The following PDPK1 variants were observed in gnomAD, a reference collection of about 807,000 sequenced individuals.
The protein encoded by PDPK1 is 3-phosphoinositide-dependent protein kinase 1.
A neutral mutation model predicts 39.8 loss-of-function variants in PDPK1; 7 were observed. That is an observed-to-expected ratio of 0.18 (90% confidence interval 0.10 to 0.33). The LOEUF is 0.33. PDPK1 is among the 10% of genes least tolerant of loss of function. The pLI, the probability that PDPK1 is intolerant of heterozygous loss-of-function variation, is 1.00. For synonymous variants in PDPK1, 118 were observed against 159.1 expected, an observed-to-expected ratio of 0.74 and a Z score of 1.95; for missense variants, 182 against 384.7, an observed-to-expected ratio of 0.47 and a Z score of 4.41.
chr16:2,590,591 A>G (rs1321589937), intron 11 of PDPK1, among the ~76,000 whole-genome samples: 2 of 152,084 alleles, frequency 1.3e-5, no homozygotes, highest in African/African-American at 4.8e-5. Context: ...GCTGACGGGC[A>G]AACCGCCGTT....
At position 2,597,960 on chromosome 16, in the gene PDPK1, C is replaced by A; in HGVS notation, c.*193C>A. 1.7e-6 allele frequency: 1 copy of A among 584,216 alleles called. No individual in the cohort carries two copies. Among genetic ancestry groups the A allele is most frequent in the East Asian group, 2.8e-5 (1 of 35,380 alleles). 36.2% of individuals were successfully genotyped at this position (584,216 alleles called of 1,614,324 possible). A position where few individuals can be genotyped will look rare whatever the true frequency, so the allele number is the denominator to read the frequency against. On this transcript the variant is annotated 3_prime_UTR_variant, in exon 14 of 14. Coordinates refer to ENST00000342085, the MANE Select transcript of PDPK1 (RefSeq NM_002613.5). This position sits in a 1 kb window ranked among gnomAD's most constrained non-coding sequence, Gnocchi z 6.3. ...ACCACACAAAGAACAAAACCAGTAA[C>A]AAACACAAAGGAATTCAGGGTCGCT... is the stretch of plus-strand genomic sequence containing the variant.
At position 2,602,484 on chromosome 16, in the gene PDPK1, G is replaced by A. The variant is rs1379703754; in HGVS notation, c.*4717G>A. 1 of 234,894 alleles carries A rather than the reference G, an allele frequency of 4.3e-6. No individual in the cohort carries two copies. The highest frequency in any genetic ancestry group is 2.2e-5 in the African/African-American group (1 of 45,320). 14.6% of individuals were successfully genotyped at this position (234,894 alleles called of 1,614,324 possible). On this transcript the variant is annotated 3_prime_UTR_variant, in exon 14 of 14. Coordinates refer to ENST00000342085, the MANE Select transcript of PDPK1 (RefSeq NM_002613.5). ...GAAGAAACACCAAACTATGTACAGA[G>A]AACTTTTTACAAAAGGCAGACCTTT... is the stretch of plus-strand genomic sequence containing the variant.
intron 11 of PDPK1, 35 bp from the exon 12 acceptor site, chr16:2,595,758 T>G: frequency 6.5e-7 from 1 of 1,544,966 alleles, no homozygotes; most frequent in South Asian, 1.1e-5. Flanking sequence ...TTTGTGATTG[T>G]CATGGGAGCA....
chr16:2,551,582 G>A (rs375724656), intron 1 of PDPK1, among the ~76,000 whole-genome samples: 19 of 151,678 alleles, frequency 1.3e-4, no homozygotes, highest in East Asian at 3.9e-4. Context: ...CTTTCTGTTC[G>A]GGATCCTTTC....
rs1300119407 is a variant in PDPK1, at chr16:2,603,187, T to C, written c.*5420T>C. 2 of 210,588 alleles carry C rather than the reference T, an allele frequency of 9.5e-6. No homozygotes were observed. The highest frequency in any genetic ancestry group is 1.9e-5 in the Non-Finnish European group (2 of 103,654). 13.0% of individuals were successfully genotyped at this position (210,588 alleles called of 1,614,324 possible). ...CTTGTAATAAAAAGCATGTAGAGTG[T>C]AGAGGTTTGCTGGCGTGGCTCTTCC... On this transcript the variant is annotated 3_prime_UTR_variant, in exon 14 of 14. Transcript: ENST00000342085.
intron 1 of PDPK1, among the ~76,000 whole-genome samples, chr16:2,541,458 G>A (rs1040473254): frequency 7.2e-5 from 11 of 152,192 alleles, no homozygotes; most frequent in African/African-American, 2.7e-4. Context: ...AAGAGAGTGG[G>A]CACTGGCGTG....
At chr16:2,589,565 G>C (rs2066945834) in intron 11 of PDPK1, among the ~76,000 whole-genome samples, 1 of 152,020 alleles carries the variant, frequency 6.6e-6, no homozygotes, top group East Asian at 1.9e-4. Flanking sequence ...CTGCACACCT[G>C]TAGTCCTAGC....
At position 2,597,966 on chromosome 16, in the gene PDPK1, C is replaced by T; in HGVS notation, c.*199C>T. 1 of 579,772 alleles carries T rather than the reference C, an allele frequency of 1.7e-6. No homozygotes were observed. The highest frequency in any genetic ancestry group is 3.1e-6 in the Non-Finnish European group (1 of 326,016). 35.9% of individuals were successfully genotyped at this position (579,772 alleles called of 1,614,324 possible). On this transcript the variant is annotated 3_prime_UTR_variant, in exon 14 of 14. Transcript: ENST00000342085. This position sits in a 1 kb window ranked among gnomAD's most constrained non-coding sequence, Gnocchi z 6.3. ...CAAAGAACAAAACCAGTAACAAACACAAAGGAATTCAGGGTCGCTTTGCTT... is the reference window on the plus strand; with the variant it reads ...CAAAGAACAAAACCAGTAACAAACATAAAGGAATTCAGGGTCGCTTTGCTT...
intron 1 of PDPK1, among the ~76,000 whole-genome samples, chr16:2,551,974 A>T (rs1363159779): frequency 6.6e-6 from 1 of 150,486 alleles, no homozygotes; most frequent in Non-Finnish European, 1.5e-5. Flanking sequence ...CAAAGAGAGT[A>T]TCTACTTTTT....
intron 1 of PDPK1, 45 bp downstream of exon 1, chr16:2,538,181 C>A: frequency 1.9e-6 from 2 of 1,026,388 alleles, no homozygotes; most frequent in East Asian, 6.7e-5. Context: ...TGTTACCCTG[C>A]CGGGTCCGGC....
intron 10 of PDPK1, among the ~76,000 whole-genome samples, chr16:2,585,898 G>A (rs1274747441): frequency 6.6e-6 from 1 of 152,230 alleles, no homozygotes; most frequent in East Asian, 1.9e-4. Flanking sequence ...TCTTATCCTA[G>A]CCATTGCTCG....
intron 1 of PDPK1, among the ~76,000 whole-genome samples, chr16:2,544,401 T>C (rs1039678246): frequency 1.3e-5 from 2 of 152,224 alleles, no homozygotes; most frequent in African/African-American, 4.8e-5. Context: ...TAGGTCTGGC[T>C]CTGTCTCCTG....
chr16:2,595,219 T>A (rs1345411824), intron 11 of PDPK1, among the ~76,000 whole-genome samples: 1 of 152,166 alleles, frequency 6.6e-6, no homozygotes, highest in African/African-American at 2.4e-5. Context: ...ATCTTGCTCT[T>A]TGAATTTCTG....
chr16:2,587,187 TG>T (rs1391946117), intron 11 of PDPK1, among the ~76,000 whole-genome samples: 3 of 152,210 alleles, frequency 2.0e-5, no homozygotes, highest in Non-Finnish European at 4.4e-5. Flanking sequence ...CCTGGCCACT[TG>T]GGAGTTTATG....
intron 1 of PDPK1, among the ~76,000 whole-genome samples, chr16:2,544,853 GGATTTACAGGCATGA>G (rs2066310057): frequency 6.6e-6 from 1 of 151,818 alleles, no homozygotes; most frequent in Non-Finnish European, 1.5e-5. Context: ...CAAAGTGCTG[GGATTTACAGGCATGA>G]GCCACCACAC....
In PDPK1 at chr16:2,597,895, A is replaced by C; in HGVS notation, c.*128A>C. ...GGGAACGCAGAGGCGGAAACCTTGC[A>C]GCATTTTTATTTAAAAGAAAAGAAG... On this transcript the variant is annotated 3_prime_UTR_variant, in exon 14 of 14. Coordinates refer to ENST00000342085, the MANE Select transcript of PDPK1 (RefSeq NM_002613.5). The surrounding 1 kb of genome is among the most constrained non-coding windows in gnomAD (Gnocchi z 6.3). 1.7e-6 allele frequency: 1 copy of C among 605,052 alleles called. No individual in the cohort carries two copies. The highest frequency in any genetic ancestry group is 2.9e-6 in the Non-Finnish European group (1 of 339,616). 37.5% of individuals were successfully genotyped at this position (605,052 alleles called of 1,614,324 possible). A position where few individuals can be genotyped will look rare whatever the true frequency, so the allele number is the denominator to read the frequency against.
At chr16:2,590,374 C>T (rs1249632106) in intron 11 of PDPK1, among the ~76,000 whole-genome samples, 1 of 152,230 alleles carries the variant, frequency 6.6e-6, no homozygotes, top group African/African-American at 2.4e-5. Flanking sequence ...CATATCTTCA[C>T]AGCACTCACC....
At chr16:2,540,793 A>AAT (rs2066230404) in intron 1 of PDPK1, among the ~76,000 whole-genome samples, 1 of 152,154 alleles carries the variant, frequency 6.6e-6, no homozygotes, top group Non-Finnish European at 1.5e-5. Context: ...TGAGGCTTGA[A>AAT]ATCCTCCCTT....
chr16:2,597,886 A>T lies in PDPK1; in HGVS notation c.*119A>T. ...CATCACAAGGGGAACGCAGAGGCGG[A>T]AACCTTGCAGCATTTTTATTTAAAA... On this transcript the variant is annotated 3_prime_UTR_variant, in exon 14 of 14. Coordinates refer to ENST00000342085, the MANE Select transcript of PDPK1 (RefSeq NM_002613.5). The surrounding 1 kb of genome is among the most constrained non-coding windows in gnomAD (Gnocchi z 6.3). 1 of 633,082 alleles carries T rather than the reference A, an allele frequency of 1.6e-6. No homozygotes were observed. Among genetic ancestry groups the T allele is most frequent in the East Asian group, 2.8e-5 (1 of 36,248 alleles). 39.2% of individuals were successfully genotyped at this position (633,082 alleles called of 1,614,324 possible).
Sources: gnomAD v4.1 joint callset for allele counts (sites outside exome capture counted in the v4.1 genomes callset) on GRCh38, gnomAD v4.1.1 for gene constraint, Gnocchi (gnomAD v3.1) non-coding constraint, MANE v1.5 for transcripts, NCBI Gene and HGNC (gene_info 2026-07-23, HGNC 2026-07-21) for gene names.